The following CCDC91 variants were observed in gnomAD, a reference collection of about 807,000 sequenced individuals.
CCDC91 encodes the protein coiled-coil domain-containing protein 91.
Under a neutral mutation model 63.2 loss-of-function variants are expected in CCDC91, and 48 were observed. The ratio of observed to expected loss-of-function variants is 0.76; its 90% CI spans 0.60 to 0.97. The LOEUF (loss-of-function observed/expected upper bound fraction) is 0.97. Ranked by LOEUF, CCDC91 falls within the 50% of genes least tolerant of loss-of-function variation. CCDC91 has a pLI of 0.00. For synonymous variants in CCDC91, 167 were observed against 165.8 expected, an observed-to-expected ratio of 1.01 and a Z score of -0.06; for missense variants, 500 against 494.6, an observed-to-expected ratio of 1.01 and a Z score of -0.10.
intron 1 of CCDC91, among the ~76,000 whole-genome samples, chr12:28,204,579 A>AT (rs1003965521): frequency 3.3e-5 from 5 of 152,116 alleles, no homozygotes; most frequent in East Asian, 1.9e-4. Context: ...ATATTCCTGC[A>AT]TTTTTTTGTG....
intron 3 of CCDC91, among the ~76,000 whole-genome samples, chr12:28,281,156 A>AT: frequency 6.6e-6 from 1 of 152,262 alleles, no homozygotes; most frequent in African/African-American, 2.4e-5. Context: ...GTCTTAATAA[A>AT]TTTGGAAGTT....
At chr12:28,303,101 T>G (rs1361870875) in intron 3 of CCDC91, among the ~76,000 whole-genome samples, 1 of 152,138 alleles carries the variant, frequency 6.6e-6, no homozygotes, top group Non-Finnish European at 1.5e-5. Context: ...AGGGTCATTA[T>G]CATTCTCTGG....
chr12:28,370,179 C>T (rs1235821461), intron 7 of CCDC91, among the ~76,000 whole-genome samples: 3 of 152,186 alleles, frequency 2.0e-5, no homozygotes, highest in African/African-American at 7.2e-5. Context: ...TTATATTCTG[C>T]TTCCCTTTTA....
chr12:28,284,388 C>T (rs577467414), intron 3 of CCDC91, among the ~76,000 whole-genome samples: 2 of 152,244 alleles, frequency 1.3e-5, no homozygotes, highest in East Asian at 1.9e-4. Flanking sequence ...CATAGTGGCT[C>T]ATGCCTGTAA....
chr12:28,392,842 G>T (rs1028318560), intron 8 of CCDC91, among the ~76,000 whole-genome samples: 1 of 152,120 alleles, frequency 6.6e-6, no homozygotes, highest in Non-Finnish European at 1.5e-5. Context: ...GTCCAGATGT[G>T]GTCCCTTTTG....
chr12:28,298,413 T>G (rs937206859), intron 3 of CCDC91, among the ~76,000 whole-genome samples: 4 of 151,078 alleles, frequency 2.6e-5, no homozygotes, highest in African/African-American at 9.7e-5. Flanking sequence ...TATTAGTCTT[T>G]ACTTTGAAGC....
intron 11 of CCDC91, among the ~76,000 whole-genome samples, chr12:28,465,516 A>G (rs1950508572): frequency 6.6e-6 from 1 of 152,216 alleles, no homozygotes; most frequent in African/African-American, 2.4e-5. Flanking sequence ...AGGAATGAGA[A>G]CAAGAATCTC....
At chr12:28,452,040 A>AGTT (rs77477141) in intron 10 of CCDC91, among the ~76,000 whole-genome samples, 48,077 of 150,418 alleles carry the variant, frequency 0.32, 8,192 homozygotes, top group African/African-American at 0.41. Context: ...TTTAGAAAGT[A>AGTT]GTTTTTCATA....
At chr12:28,285,988 C>T (rs1001119066) in intron 3 of CCDC91, among the ~76,000 whole-genome samples, 2 of 152,000 alleles carry the variant, frequency 1.3e-5, no homozygotes, top group Non-Finnish European at 2.9e-5. Flanking sequence ...ACCTAAGGCT[C>T]AGTGTCTACC....
At chr12:28,198,949 A>T (rs1941993851) in intron 1 of CCDC91, 1 of 151,356 alleles carries the variant, frequency 6.6e-6, no homozygotes, top group African/African-American at 2.4e-5. Context: ...TAAGAGACAG[A>T]ATCGCCTAAG....
At position 28,488,543 on chromosome 12, in the gene CCDC91, C is replaced by G. The variant is rs1951839356; in HGVS notation, c.1215+4378C>G. On this transcript the variant is annotated intron_variant, in intron 12 of 12. Transcript: ENST00000536442. ...CCTCATAATCTTTTTAGAAATTTCT[C>G]TGTAAAATCTATCATGCTAATCCTG... Among the ~76,000 whole-genome samples, 4 of 151,780 alleles carry G rather than the reference C, an allele frequency of 2.6e-5. No individual in the cohort carries two copies. In the South Asian group the frequency reaches 8.3e-4, roughly 32 times the overall value.
intron 12 of CCDC91, among the ~76,000 whole-genome samples, chr12:28,536,489 G>A (rs932800852): frequency 1.3e-5 from 2 of 152,136 alleles, no homozygotes; most frequent in African/African-American, 2.4e-5. Flanking sequence ...TATACAATTA[G>A]GAGTATGGGA....
chr12:28,378,431 A>T (rs1038235512), intron 7 of CCDC91, among the ~76,000 whole-genome samples: 1 of 152,104 alleles, frequency 6.6e-6, no homozygotes, highest in African/African-American at 2.4e-5. Flanking sequence ...TACATTTAGG[A>T]GACCAATATT....
chr12:28,383,088 T>C (rs1314616792), intron 7 of CCDC91, among the ~76,000 whole-genome samples: 1 of 152,194 alleles, frequency 6.6e-6, no homozygotes, highest in Non-Finnish European at 1.5e-5. Context: ...GGGAGACTTT[T>C]GTGGTGTTTG....
At chr12:28,523,613 CATT>C (rs1940961935) in intron 12 of CCDC91, among the ~76,000 whole-genome samples, 1 of 152,124 alleles carries the variant, frequency 6.6e-6, no homozygotes, top group Admixed American at 6.6e-5. Context: ...TTCATCCTGT[CATT>C]ATGATATTAA....
intron 6 of CCDC91, among the ~76,000 whole-genome samples, chr12:28,308,379 C>G (rs539322339): frequency 2.5e-4 from 38 of 152,144 alleles, no homozygotes; most frequent in Admixed American, 1.8e-3. Flanking sequence ...TCTAACTAGT[C>G]TTTTGTTTTT....
chr12:28,328,327 G>C (rs1941203126), intron 6 of CCDC91, among the ~76,000 whole-genome samples: 2 of 151,546 alleles, frequency 1.3e-5, no homozygotes, highest in Non-Finnish European at 2.9e-5. Context: ...CAAAAGTTTT[G>C]GATGTCTTTT....
Position 28,248,407 on chromosome 12 carries a change from A to G in CCDC91, c.-14-8795A>G, listed in dbSNP as rs1028559875. Among the ~76,000 whole-genome samples, 21 of 152,182 alleles carry G rather than the reference A, an allele frequency of 1.4e-4. 1 individual carries two copies. Among genetic ancestry groups the G allele is most frequent in the Non-Finnish European group, 1.5e-5 (1 of 68,036 alleles). Reference sequence around the variant, plus strand: ...GTAAATGAATCCAAAGATGTGAATGAGATAGTCCAGGGAGTGTATCTAAAG... The same window carrying G: ...GTAAATGAATCCAAAGATGTGAATGGGATAGTCCAGGGAGTGTATCTAAAG... On this transcript the variant is annotated intron_variant, in intron 1 of 12. Transcript: ENST00000536442.
intron 3 of CCDC91, among the ~76,000 whole-genome samples, chr12:28,304,377 AAAAAAAAAAAAAAAAAAAAAAAAAG>A (rs1938437711): frequency 4.1e-5 from 1 of 24,296 alleles, no homozygotes; most frequent in Non-Finnish European, 1.3e-4. Context: ...ACTCCGTCTA[AAAAAAAAAAAAAAAAAAAAAAAAAG>A]AAAAAAAAAA....
Sources: gnomAD v4.1 joint callset for allele counts (sites outside exome capture counted in the v4.1 genomes callset) on GRCh38, gnomAD v4.1.1 for gene constraint, MANE v1.5 for transcripts, NCBI Gene and HGNC (gene_info 2026-07-23, HGNC 2026-07-21) for gene names.